The following C8orf34 variants were observed in gnomAD, a reference collection of about 807,000 sequenced individuals.
C8orf34 encodes the protein chromosome 8 open reading frame 34.
A neutral mutation model predicts 68.3 loss-of-function variants in C8orf34; 65 were observed. The ratio of observed to expected loss-of-function variants is 0.95; its 90% confidence interval spans 0.78 to 1.17. The LOEUF (loss-of-function observed/expected upper bound fraction) is 1.17, where lower values mean the gene tolerates loss of function less well. C8orf34 is among the 50% of genes most tolerant of loss of function. The pLI, the probability that C8orf34 is intolerant of heterozygous loss-of-function variation, is 0.00. For missense variants in C8orf34, 664 were observed against 655.4 expected (o/e 1.01, Z -0.14); for synonymous variants, 244 against 241.2 (o/e 1.01, Z -0.11).
chr8:68,527,519 C>A (rs1018270591), intron 6 of C8orf34, among the ~76,000 whole-genome samples: 5 of 152,150 alleles, frequency 3.3e-5, no homozygotes, highest in African/African-American at 1.2e-4. Context: ...TTGCAGTGAG[C>A]TGAGATCGTG....
intron 7 of C8orf34, among the ~76,000 whole-genome samples, chr8:68,543,521 T>C (rs940195015): frequency 2.0e-5 from 3 of 152,180 alleles, no homozygotes; most frequent in African/African-American, 7.2e-5. Flanking sequence ...ATGATTTCTG[T>C]ATATTACTTA....
At chr8:68,754,663 A>C (rs1331256297) in intron 10 of C8orf34, among the ~76,000 whole-genome samples, 1 of 152,218 alleles carries the variant, frequency 6.6e-6, no homozygotes, top group East Asian at 1.9e-4. Context: ...TGGGATTTTT[A>C]AGAAGACAGA....
At chr8:68,601,782 T>C (rs1276797054) in intron 7 of C8orf34, among the ~76,000 whole-genome samples, 1 of 152,154 alleles carries the variant, frequency 6.6e-6, no homozygotes, top group Non-Finnish European at 1.5e-5. Flanking sequence ...TCCTGATTCT[T>C]GGTATGAAGA....
rs141492694 is a variant in C8orf34, at chr8:68,494,363, CT to C, written c.765+6313del. ...ACAGTGTAACAGTGGTTGTCATGAGCTGAGGGGAAGGGGAAATGGGAAGTTA... is the reference window on the plus strand; with the variant it reads ...ACAGTGTAACAGTGGTTGTCATGAGCGAGGGGAAGGGGAAATGGGAAGTTA... On this transcript the variant is annotated intron_variant, in intron 5 of 13. Transcript: ENST00000518698. Among the ~76,000 whole-genome samples the C allele has an allele frequency of 5.9e-3, 903 of 152,102 alleles. 12 individuals are homozygous for C. Among genetic ancestry groups the C allele is most frequent in the African/African-American group, 0.02 (845 of 41,476 alleles).
intron 5 of C8orf34, among the ~76,000 whole-genome samples, chr8:68,508,021 T>C (rs1351683645): frequency 2.0e-5 from 3 of 152,214 alleles, no homozygotes; most frequent in African/African-American, 7.2e-5. Flanking sequence ...GCCTTATCTT[T>C]CTGGCAAGGC....
rs928398437 is a variant in C8orf34, at chr8:68,330,993, C to G, written c.-20C>G. On this transcript the variant is annotated 5_prime_UTR_variant, in exon 1 of 14. Coordinates refer to ENST00000518698, the MANE Select transcript of C8orf34 (RefSeq NM_052958.4). ...CTGCGGAGAGCGGCGAGGGTGGGCG[C>G]GAGGCGGAGAACGCGATGAATGAGT... is the stretch of plus-strand genomic sequence containing the variant. 1.4e-6 allele frequency: 2 copies of G among 1,385,602 alleles called. No individual in the cohort carries two copies. Among genetic ancestry groups the G allele is most frequent in the East Asian group, 6.0e-5 (2 of 33,558 alleles). 85.8% of individuals were successfully genotyped at this position (1,385,602 alleles called of 1,614,324 possible). A position where few individuals can be genotyped will look rare whatever the true frequency, so the allele number is the denominator to read the frequency against.
At chr8:68,789,897 G>C (rs73270258) in intron 12 of C8orf34, among the ~76,000 whole-genome samples, 14,721 of 152,132 alleles carry the variant, frequency 0.097, 995 homozygotes, top group East Asian at 0.36. Context: ...ATCACTCTAA[G>C]AAAGTCCATT....
chr8:68,484,145 C>A (rs960722934), intron 4 of C8orf34, among the ~76,000 whole-genome samples: 1 of 152,138 alleles, frequency 6.6e-6, no homozygotes, highest in Non-Finnish European at 1.5e-5. Flanking sequence ...AGTCAAATGG[C>A]GAAAGCAAAA....
At chr8:68,753,855 A>T (rs1407361225) in intron 10 of C8orf34, among the ~76,000 whole-genome samples, 1 of 152,196 alleles carries the variant, frequency 6.6e-6, no homozygotes, top group African/African-American at 2.4e-5. Flanking sequence ...TTGATCTGTC[A>T]TGCATGGCCC....
At chr8:68,769,193 G>C (rs1451855488) in intron 10 of C8orf34, among the ~76,000 whole-genome samples, 1 of 150,920 alleles carries the variant, frequency 6.6e-6, no homozygotes, top group Admixed American at 6.6e-5. Flanking sequence ...CTTGCTTTTT[G>C]TTTTCTTCCT....
At chr8:68,743,167 C>G (rs1822354698) in intron 10 of C8orf34, among the ~76,000 whole-genome samples, 1 of 152,132 alleles carries the variant, frequency 6.6e-6, no homozygotes, top group South Asian at 2.1e-4. Flanking sequence ...GAGTGGAGAA[C>G]AATTCGAAAG....
chr8:68,793,419 A>G (rs1824071903), intron 12 of C8orf34, among the ~76,000 whole-genome samples: 1 of 152,244 alleles, frequency 6.6e-6, no homozygotes, highest in South Asian at 2.1e-4. Context: ...TCAAGTATTA[A>G]AAAAGCAAAT....
intron 10 of C8orf34, among the ~76,000 whole-genome samples, chr8:68,731,378 AT>A (rs1821972354): frequency 6.6e-6 from 1 of 152,204 alleles, no homozygotes; most frequent in Non-Finnish European, 1.5e-5. Context: ...AACCAAAAAA[AT>A]ACTTTATATT....
At chr8:68,344,601 A>C (rs1806205749) in intron 1 of C8orf34, among the ~76,000 whole-genome samples, 1 of 152,196 alleles carries the variant, frequency 6.6e-6, no homozygotes, top group African/African-American at 2.4e-5. Flanking sequence ...GCTGAATATG[A>C]GTCTACAATT....
At chr8:68,592,767 C>T (rs1299522090) in intron 7 of C8orf34, among the ~76,000 whole-genome samples, 2 of 151,738 alleles carry the variant, frequency 1.3e-5, no homozygotes, top group East Asian at 1.9e-4. Flanking sequence ...TGCCACCACA[C>T]CCGGCTAAAT....
chr8:68,807,332 A>G (rs1012968140), intron 12 of C8orf34, among the ~76,000 whole-genome samples: 2 of 152,304 alleles, frequency 1.3e-5, no homozygotes, highest in East Asian at 1.9e-4. Flanking sequence ...ACTATATGCA[A>G]AATAATTCCC....
intron 3 of C8orf34, among the ~76,000 whole-genome samples, chr8:68,459,404 A>AT (rs60610100): frequency 0.01 from 1,568 of 151,302 alleles, 24 homozygotes; most frequent in African/African-American, 0.036. Flanking sequence ...TAATTTTTGT[A>AT]TTTTTTTTAG....
chr8:68,708,857 A>G (rs1352121702), intron 8 of C8orf34, 137 bp from the exon 9 acceptor site: 33 of 692,384 alleles, frequency 4.8e-5, no homozygotes, highest in Middle Eastern at 3.2e-4. Flanking sequence ...GGCTTTAGTG[A>G]ACTTGTATTT....
At chr8:68,751,031 C>G (rs1159800523) in intron 10 of C8orf34, among the ~76,000 whole-genome samples, 1 of 151,988 alleles carries the variant, frequency 6.6e-6, no homozygotes, top group Non-Finnish European at 1.5e-5. Flanking sequence ...ATTGTTTGAG[C>G]GTATTCTAGC....
Sources: gnomAD v4.1 joint callset for allele counts (sites outside exome capture counted in the v4.1 genomes callset) on GRCh38, gnomAD v4.1.1 for gene constraint, MANE v1.5 for transcripts, NCBI Gene and HGNC (gene_info 2026-07-23, HGNC 2026-07-21) for gene names.